The following VPS13B variants were observed in gnomAD, a reference collection of about 807,000 sequenced individuals.
VPS13B encodes vacuolar protein sorting 13 homolog B, also known as intermembrane lipid transfer protein VPS13B.
In VPS13B, 285 loss-of-function variants were observed where a neutral mutation model predicts 426.4. The ratio of observed to expected loss-of-function variants is 0.67; its 90% CI spans 0.61 to 0.74. The LOEUF (loss-of-function observed/expected upper bound fraction) is 0.74, where lower values mean the gene tolerates loss of function less well. Among genes scored for constraint, VPS13B ranks in the 30% least tolerant of loss-of-function variants. The pLI is 0.00. For synonymous variants in VPS13B, 1,676 were observed against 1,676.4 expected, an observed-to-expected ratio of 1.00 and a Z score of 0.01; for missense variants, 4,537 against 4,782.6, an observed-to-expected ratio of 0.95 and a Z score of 1.51.
intron 14 of VPS13B, among the ~76,000 whole-genome samples, chr8:99,155,791 GA>G (rs1171306259): frequency 4.6e-5 from 7 of 152,140 alleles, no homozygotes; most frequent in Non-Finnish European, 1.0e-4. Context: ...ACAAAGCAAT[GA>G]AACTGCTCTT....
chr8:99,310,657 T>C (rs1212233943), intron 19 of VPS13B, among the ~76,000 whole-genome samples: 1 of 152,222 alleles, frequency 6.6e-6, no homozygotes, highest in East Asian at 1.9e-4. Context: ...TCTTTTTTTG[T>C]TGTGTCTATT....
chr8:99,339,270 A>T (rs1033910359), intron 19 of VPS13B, among the ~76,000 whole-genome samples: 1 of 151,676 alleles, frequency 6.6e-6, no homozygotes, highest in Non-Finnish European at 1.5e-5. Flanking sequence ...ACTTATAAAG[A>T]ATAGAGGTTT....
intron 39 of VPS13B, among the ~76,000 whole-genome samples, chr8:99,739,842 C>G (rs7001662): frequency 0.017 from 2,551 of 152,108 alleles, 64 homozygotes; most frequent in African/African-American, 0.058. Flanking sequence ...AATCAAAGAC[C>G]AAAGGTAGAT....
At chr8:99,400,727 A>G (rs535134152) in intron 21 of VPS13B, among the ~76,000 whole-genome samples, 2 of 152,110 alleles carry the variant, frequency 1.3e-5, no homozygotes, top group Non-Finnish European at 2.9e-5. Flanking sequence ...GCTGGAGTGC[A>G]GTGCGCAATC....
intron 33 of VPS13B, among the ~76,000 whole-genome samples, chr8:99,623,031 T>C (rs1192409387): frequency 6.6e-6 from 1 of 152,218 alleles, no homozygotes; most frequent in African/African-American, 2.4e-5. Context: ...AGTGAGTCTC[T>C]TGTCCCCTCA....
At chr8:99,762,415 A>G (rs897490910) in intron 39 of VPS13B, among the ~76,000 whole-genome samples, 1 of 152,170 alleles carries the variant, frequency 6.6e-6, no homozygotes, top group African/African-American at 2.4e-5. Context: ...GTCTTAAACC[A>G]CAGGGCTGAC....
intron 3 of VPS13B, among the ~76,000 whole-genome samples, chr8:99,047,130 G>T (rs1009734732): frequency 2.1e-4 from 32 of 152,126 alleles, no homozygotes; most frequent in Non-Finnish European, 5.9e-5. Flanking sequence ...ATGTCTGGTA[G>T]AATTTAGCTG....
rs1339406588 is a variant in VPS13B at position 99,853,791 on chromosome 8, G to C, written c.10402G>C (p.Glu3468Gln). The C allele has an allele frequency of 1.2e-6, 2 of 1,614,174 alleles. No individual in the cohort carries two copies. The highest frequency in any genetic ancestry group is 1.7e-6 in the Non-Finnish European group (2 of 1,180,018). The change falls in exon 56 of 62, where the codon GAG (glutamate) becomes CAG (glutamine). Residue 3468 changes from glutamate to glutamine, a missense_variant. Glu to Gln is a conservative substitution (Grantham distance 29, BLOSUM62 2). Around this residue, in one of 2 missense-constraint regions of VPS13B, gnomAD observed 4,311 missense variants for 4,474.3 expected, o/e 0.96. Coordinates refer to ENST00000357162, the MANE Select transcript of VPS13B (RefSeq NM_152564.5). The part of the protein sequence containing the change: ...KMQSLLISNK[E>Q]LEEYKEKCFI... ...GCAGAGTCTCCTCATATCCAACAAA[G>C]AGTTGGAAGAATACAAGGAAAAATG...
chr8:99,830,725 T>A (rs560823803), intron 51 of VPS13B, among the ~76,000 whole-genome samples: 4 of 152,122 alleles, frequency 2.6e-5, no homozygotes, highest in Non-Finnish European at 5.9e-5. Flanking sequence ...AGGGCTCTTG[T>A]GGTGTAGGCA....
intron 30 of VPS13B, among the ~76,000 whole-genome samples, chr8:99,523,931 A>T (rs115732672): frequency 0.021 from 3,138 of 152,278 alleles, 118 homozygotes; most frequent in African/African-American, 0.072. Context: ...AGACAGAGAT[A>T]TGTGACCTTT....
intron 29 of VPS13B, among the ~76,000 whole-genome samples, chr8:99,519,581 A>G (rs1200897668): frequency 6.6e-6 from 1 of 152,208 alleles, no homozygotes; most frequent in Non-Finnish European, 1.5e-5. Context: ...GACTGGATTA[A>G]GAAAATGTGA....
At chr8:99,696,408 G>T in intron 35 of VPS13B, 1 of 338,812 alleles carries the variant, frequency 3.0e-6, no homozygotes, top group East Asian at 7.1e-5. Context: ...TGCTCATGCT[G>T]TGGCACATCC....
At chr8:99,561,810 T>G (rs1824937277) in intron 31 of VPS13B, among the ~76,000 whole-genome samples, 1 of 152,250 alleles carries the variant, frequency 6.6e-6, no homozygotes, top group Non-Finnish European at 1.5e-5. Context: ...CTACAATTTG[T>G]CTATCCATTT....
chr8:99,872,674 G>C (rs965692476), intron 61 of VPS13B, among the ~76,000 whole-genome samples: 1 of 152,196 alleles, frequency 6.6e-6, no homozygotes, highest in African/African-American at 2.4e-5. Flanking sequence ...CACACAGCAA[G>C]ATAGTGGTGG....
intron 3 of VPS13B, among the ~76,000 whole-genome samples, chr8:99,041,614 G>A (rs892115117): frequency 6.6e-6 from 1 of 152,206 alleles, no homozygotes; most frequent in African/African-American, 2.4e-5. Context: ...AGCACTTTGG[G>A]AGGCCGAGGC....
At chr8:99,268,292 A>G (rs1446260520) in intron 17 of VPS13B, among the ~76,000 whole-genome samples, 1 of 152,138 alleles carries the variant, frequency 6.6e-6, no homozygotes, top group Non-Finnish European at 1.5e-5. Flanking sequence ...CTGGGCTGTG[A>G]GAAGAGGGCC....
chr8:99,811,546 T>C (rs1039016392), intron 44 of VPS13B, among the ~76,000 whole-genome samples: 10 of 152,334 alleles, frequency 6.6e-5, no homozygotes, highest in African/African-American at 2.4e-4. Flanking sequence ...CTGATGCTGC[T>C]GGTCCAGGGA....
At chr8:99,367,309 A>T (rs1812944757) in intron 19 of VPS13B, among the ~76,000 whole-genome samples, 1 of 152,234 alleles carries the variant, frequency 6.6e-6, no homozygotes, top group Non-Finnish European at 1.5e-5. Flanking sequence ...TCAGAACTTT[A>T]AATATTTCAT....
Position 99,269,594 on chromosome 8 carries a change from G to C in VPS13B, c.2516-4604G>C, listed in dbSNP as rs543805821. Among the ~76,000 whole-genome samples, 34 of 152,238 alleles carry C rather than the reference G, an allele frequency of 2.2e-4. No homozygotes were observed. The East Asian group carries it at 6.6e-3, about 29-fold the overall frequency. ...AATAATAAATAGTGACTAGCCTTAA[G>C]CCACTGTATTACAAGGTAAAGAATG... On this transcript the variant is annotated intron_variant, in intron 17 of 61. Transcript: ENST00000357162.
Sources: allele counts gnomAD v4.1 joint callset (sites outside exome capture counted in the v4.1 genomes callset), GRCh38; gene constraint gnomAD v4.1.1; regional missense constraint gnomAD v4.1.1; transcripts MANE v1.5; gene names NCBI Gene and HGNC (gene_info 2026-07-23, HGNC 2026-07-21).